ERBB4: variants seen among roughly 807,000 people sequenced by gnomAD.
The protein encoded by ERBB4 is erb-b2 receptor tyrosine kinase 4, also known as receptor tyrosine-protein kinase erbB-4.
In ERBB4, 42 loss-of-function variants were observed where a neutral mutation model predicts 158.0. The observed-to-expected ratio is 0.27, with a 90% CI of 0.21 to 0.34. The LOEUF (loss-of-function observed/expected upper bound fraction) is 0.34. Ranked by LOEUF, ERBB4 falls within the 10% of genes least tolerant of loss-of-function variation. The pLI is 1.00. For synonymous variants in ERBB4, 583 were observed against 558.7 expected, an observed-to-expected ratio of 1.04 and a Z score of -0.61; for missense variants, 1,333 against 1,624.1, an observed-to-expected ratio of 0.82 and a Z score of 3.08.
intron 2 of ERBB4, among the ~76,000 whole-genome samples, chr2:211,975,831 G>C (rs897743151): frequency 3.9e-5 from 6 of 152,078 alleles, no homozygotes; most frequent in Non-Finnish European, 8.8e-5. Flanking sequence ...AAAAGCCAGT[G>C]TTTGGGATTT....
intron 19 of ERBB4, among the ~76,000 whole-genome samples, chr2:211,599,095 G>A (rs1251061873): frequency 1.3e-5 from 2 of 152,292 alleles, no homozygotes; most frequent in East Asian, 3.9e-4. Flanking sequence ...ACTGAGCAGT[G>A]ACTTAGAATA....
chr2:212,147,708 A>G lies in ERBB4; in HGVS notation c.83-22805T>C, dbSNP rs374026681. ...CTTTAGGGTATAAGACTTCTCAGAA[A>G]TAAAATCAAATCCAATAAAATCAAA... On this transcript the variant is annotated intron_variant, in intron 1 of 27. Transcript: ENST00000342788. Among the ~76,000 whole-genome samples, 228 of 152,330 alleles carry G rather than the reference A, an allele frequency of 1.5e-3. 6 individuals are homozygous for G. In the South Asian group the frequency reaches 0.046, roughly 31 times the overall value.
At chr2:212,319,486 G>A (rs2087458871) in intron 1 of ERBB4, among the ~76,000 whole-genome samples, 1 of 150,436 alleles carries the variant, frequency 6.6e-6, no homozygotes, top group Admixed American at 6.6e-5. Context: ...ATTCAAGTCA[G>A]TTTAATATGT....
intron 1 of ERBB4, among the ~76,000 whole-genome samples, chr2:212,145,828 C>A (rs1391261385): frequency 6.6e-6 from 1 of 150,634 alleles, no homozygotes; most frequent in Non-Finnish European, 1.5e-5. Flanking sequence ...TGTTTGAGAA[C>A]TCTTTGGTGT....
At chr2:212,260,431 T>C (rs1688643560) in intron 1 of ERBB4, among the ~76,000 whole-genome samples, 1 of 152,202 alleles carries the variant, frequency 6.6e-6, no homozygotes, top group Non-Finnish European at 1.5e-5. Flanking sequence ...TACAAATTCA[T>C]AGAGGACAAA....
At chr2:212,480,101 C>T (rs142110999) in intron 1 of ERBB4, among the ~76,000 whole-genome samples, 1 of 152,166 alleles carries the variant, frequency 6.6e-6, no homozygotes, top group East Asian at 1.9e-4. Flanking sequence ...ATTTTCAACT[C>T]TGTCTCTAGG....
At chr2:211,913,052 T>C (rs536342805) in intron 3 of ERBB4, among the ~76,000 whole-genome samples, 37 of 152,274 alleles carry the variant, frequency 2.4e-4, no homozygotes, top group African/African-American at 8.2e-4. Flanking sequence ...TAAGCTTCTG[T>C]ACCTCATAAG....
chr2:211,836,181 A>T (rs1257449854), intron 3 of ERBB4, among the ~76,000 whole-genome samples: 1 of 152,102 alleles, frequency 6.6e-6, no homozygotes, highest in Non-Finnish European at 1.5e-5. Context: ...AATATTTTGT[A>T]AATGATGGCT....
At chr2:211,939,397 T>A (rs943227704) in intron 3 of ERBB4, among the ~76,000 whole-genome samples, 1 of 152,036 alleles carries the variant, frequency 6.6e-6, no homozygotes, top group Non-Finnish European at 1.5e-5. Flanking sequence ...CAGATTTTTT[T>A]TTTTTTGAAA....
intron 20 of ERBB4, among the ~76,000 whole-genome samples, chr2:211,514,792 G>A (rs1334433062): frequency 6.6e-6 from 1 of 152,100 alleles, no homozygotes; most frequent in Non-Finnish European, 1.5e-5. Flanking sequence ...ATACTTACCA[G>A]TTCAACATTC....
At chr2:211,723,399 G>C (rs1369149003) in intron 6 of ERBB4, among the ~76,000 whole-genome samples, 1 of 152,142 alleles carries the variant, frequency 6.6e-6, no homozygotes, top group African/African-American at 2.4e-5. Context: ...TTTTAGGAAT[G>C]ATTTGGGCCT....
intron 25 of ERBB4, among the ~76,000 whole-genome samples, chr2:211,394,776 G>T (rs767481656): frequency 1.3e-5 from 2 of 151,942 alleles, no homozygotes; most frequent in Non-Finnish European, 2.9e-5. Flanking sequence ...AGATTTTTCA[G>T]GATGCAAACA....
At chr2:211,701,709 T>C (rs1222998816) in intron 12 of ERBB4, among the ~76,000 whole-genome samples, 1 of 129,362 alleles carries the variant, frequency 7.7e-6, no homozygotes, top group Non-Finnish European at 1.5e-5. Flanking sequence ...TGAGCCGAGA[T>C]CTCGCCACTG....
chr2:212,381,001 A>T (rs927569981), intron 1 of ERBB4, among the ~76,000 whole-genome samples: 2 of 151,428 alleles, frequency 1.3e-5, no homozygotes, highest in Non-Finnish European at 3.0e-5. Flanking sequence ...CATTGTTTCA[A>T]GTAAAATGAT....
At chr2:211,777,133 T>G (rs1036729018) in intron 4 of ERBB4, 13 of 152,182 alleles carry the variant, frequency 8.5e-5, no homozygotes, top group African/African-American at 3.1e-4. Flanking sequence ...TGGGGGTACA[T>G]GCATGAGCGT....
chr2:211,787,996 G>C (rs749679996), intron 4 of ERBB4, 29 bp downstream of exon 4: 2 of 1,608,546 alleles, frequency 1.2e-6, no homozygotes, highest in South Asian at 1.1e-5. Flanking sequence ...AGAACATTTT[G>C]AGAAATTAAA....
chr2:211,913,607 A>ATG (rs1575366092), intron 3 of ERBB4, among the ~76,000 whole-genome samples: 1 of 119,356 alleles, frequency 8.4e-6, no homozygotes, highest in East Asian at 2.7e-4. Flanking sequence ...TTTCAAAAAA[A>ATG]TATATATATA....
chr2:211,627,625 C>T (rs913512131), intron 17 of ERBB4, among the ~76,000 whole-genome samples: 1 of 152,158 alleles, frequency 6.6e-6, no homozygotes, highest in African/African-American at 2.4e-5. Context: ...ATTCCCATTC[C>T]TCCCATTCCT....
intron 12 of ERBB4, among the ~76,000 whole-genome samples, chr2:211,688,406 T>G (rs981996111): frequency 6.6e-6 from 1 of 152,218 alleles, no homozygotes; most frequent in African/African-American, 2.4e-5. Context: ...TCCCTCATTA[T>G]ACTGTGGCTT....
Sources: gnomAD v4.1 joint callset for allele counts (sites outside exome capture counted in the v4.1 genomes callset) on GRCh38, gnomAD v4.1.1 for gene constraint, MANE v1.5 for transcripts, NCBI Gene and HGNC (gene_info 2026-07-23, HGNC 2026-07-21) for gene names.